Variants in GABRG3 observed in about 807,000 individuals in gnomAD.
GABRG3 encodes the protein gamma-aminobutyric acid receptor subunit gamma-3.
In GABRG3, 25 loss-of-function variants were observed where a neutral mutation model predicts 48.8. That is an observed-to-expected ratio of 0.51 (90% CI 0.37 to 0.72). The LOEUF (loss-of-function observed/expected upper bound fraction) is 0.72, where lower values mean the gene tolerates loss of function less well. Ranked by LOEUF, GABRG3 falls within the 30% of genes least tolerant of loss-of-function variation. GABRG3 has a pLI of 0.00. For synonymous variants in GABRG3, 227 were observed against 217.6 expected, an observed-to-expected ratio of 1.04 and a Z score of -0.38; for missense variants, 394 against 577.9, an observed-to-expected ratio of 0.68 and a Z score of 3.26.
intron 5 of GABRG3, among the ~76,000 whole-genome samples, chr15:27,439,271 T>C (rs1288898491): frequency 6.6e-6 from 1 of 152,158 alleles, no homozygotes; most frequent in Non-Finnish European, 1.5e-5. Flanking sequence ...AGAGGAAAAC[T>C]GCATTTTCTG....
chr15:27,153,078 G>T (rs1055729234), intron 3 of GABRG3, among the ~76,000 whole-genome samples: 2 of 152,030 alleles, frequency 1.3e-5, no homozygotes, highest in African/African-American at 2.4e-5. Flanking sequence ...GACCAGGATG[G>T]TCTCGATCTC....
chr15:27,046,280 T>TGG (rs1896364187), intron 3 of GABRG3, among the ~76,000 whole-genome samples: 1 of 151,490 alleles, frequency 6.6e-6, no homozygotes. Context: ...TTTTTTTGTA[T>TGG]TTTTAGTAGA....
rs368164545 is a variant in GABRG3 at position 27,308,251 on chromosome 15, C to CAT, written c.271-18556_271-18555dup. On this transcript the variant is annotated intron_variant, in intron 3 of 9. Coordinates refer to ENST00000615808, the MANE Select transcript of GABRG3 (RefSeq NM_033223.5). ...GTTTATATATCCAAACATATATAAACATACGTTTATATATAAACATAATAT... is the reference window on the plus strand; with the variant it reads ...GTTTATATATCCAAACATATATAAACATATACGTTTATATATAAACATAATAT... 1.8e-3 allele frequency among the ~76,000 whole-genome samples: 208 copies of CAT among 115,018 alleles called. 18 individuals are homozygous for CAT. Among genetic ancestry groups the CAT allele is most frequent in the African/African-American group, 4.4e-3 (135 of 30,820 alleles). The allele number at this position is 115,018 out of a possible 152,430, so 75.5% of individuals were successfully genotyped here.
intron 2 of GABRG3, among the ~76,000 whole-genome samples, chr15:26,981,544 G>C (rs1254658698): frequency 6.6e-6 from 1 of 152,278 alleles, no homozygotes; most frequent in East Asian, 1.9e-4. Context: ...CCTATTTTCT[G>C]TCTAGTTTTC....
intron 3 of GABRG3, among the ~76,000 whole-genome samples, chr15:27,194,269 T>C (rs1354890477): frequency 6.6e-6 from 1 of 152,250 alleles, no homozygotes; most frequent in Non-Finnish European, 1.5e-5. Flanking sequence ...GATGGTGTTA[T>C]GATTCAACCA....
intron 6 of GABRG3, among the ~76,000 whole-genome samples, chr15:27,508,867 C>T (rs1042820322): frequency 5.9e-5 from 9 of 152,076 alleles, no homozygotes; most frequent in African/African-American, 1.9e-4. Flanking sequence ...GCACCCACCA[C>T]CACACCCAGC....
At chr15:27,344,395 G>C (rs1595691687) in intron 5 of GABRG3, among the ~76,000 whole-genome samples, 1 of 152,158 alleles carries the variant, frequency 6.6e-6, no homozygotes, top group South Asian at 2.1e-4. Flanking sequence ...AATATTTTTT[G>C]GTTATTTAGT....
intron 5 of GABRG3, among the ~76,000 whole-genome samples, chr15:27,403,922 A>C (rs965561959): frequency 6.3e-5 from 8 of 127,892 alleles, no homozygotes; most frequent in African/African-American, 1.5e-4. Context: ...AACAAAAAAA[A>C]AAAAAACAAA....
rs145558694 is a variant in GABRG3, at chr15:27,117,054, T to C, written c.270+90233T>C. Among the ~76,000 whole-genome samples the C allele has an allele frequency of 6.6e-4, 100 of 152,328 alleles. 2 individuals carry two copies. In the Middle Eastern group the frequency reaches 0.024, roughly 36 times the overall value. On this transcript the variant is annotated intron_variant, in intron 3 of 9. Coordinates refer to ENST00000615808, the MANE Select transcript of GABRG3 (RefSeq NM_033223.5). Reference sequence around the variant, plus strand: ...CACAACAGCCATCTGAGGTAGGTTCTATTACTGTCCTGAATTTTGGTTAAG... The same window carrying C: ...CACAACAGCCATCTGAGGTAGGTTCCATTACTGTCCTGAATTTTGGTTAAG...
intron 3 of GABRG3, among the ~76,000 whole-genome samples, chr15:27,308,417 T>G (rs1183350920): frequency 6.9e-6 from 1 of 145,882 alleles, no homozygotes; most frequent in Admixed American, 7.1e-5. Flanking sequence ...TATATAAACA[T>G]GTAATGTAAA....
chr15:27,505,897 G>A (rs1890748480), intron 6 of GABRG3, among the ~76,000 whole-genome samples: 1 of 152,098 alleles, frequency 6.6e-6, no homozygotes, highest in Non-Finnish European at 1.5e-5. Context: ...GATTTGAATG[G>A]TATTTTTAGA....
Position 27,210,989 on chromosome 15 carries a change from AAG to A in GABRG3, c.271-115817_271-115816del, listed in dbSNP as rs571747521. Among the ~76,000 whole-genome samples the A allele has an allele frequency of 6.6e-5, 10 of 152,356 alleles. No individual in the cohort carries two copies. The South Asian group carries it at 8.3e-4, about 13-fold the overall frequency. On this transcript the variant is annotated intron_variant, in intron 3 of 9. Coordinates refer to ENST00000615808, the MANE Select transcript of GABRG3 (RefSeq NM_033223.5). The stretch of plus-strand genomic sequence containing the variant: ...ACTATTTTCCAGAAAGTAGAAATAA[AAG>A]AGGGGGTAGAGAAATATCAGAATTA...
chr15:27,272,104 C>G (rs554542275), intron 3 of GABRG3, among the ~76,000 whole-genome samples: 4 of 152,262 alleles, frequency 2.6e-5, no homozygotes, highest in African/African-American at 9.6e-5. Context: ...GTCAGATGCC[C>G]TGGGCAGGGT....
At chr15:27,093,119 G>A (rs550159532) in intron 3 of GABRG3, among the ~76,000 whole-genome samples, 24 of 152,202 alleles carry the variant, frequency 1.6e-4, no homozygotes, top group African/African-American at 5.5e-4. Context: ...GAGTGCCTGA[G>A]CATTGTATCC....
intron 3 of GABRG3, among the ~76,000 whole-genome samples, chr15:27,182,186 C>A (rs1887951987): frequency 6.6e-6 from 1 of 152,100 alleles, no homozygotes; most frequent in African/African-American, 2.4e-5. Context: ...GTGGAAGTCA[C>A]CGTCTACAGT....
At chr15:27,256,879 C>T (rs531186370) in intron 3 of GABRG3, among the ~76,000 whole-genome samples, 5 of 152,278 alleles carry the variant, frequency 3.3e-5, no homozygotes, top group Admixed American at 1.3e-4. Flanking sequence ...CTGCAAAGCA[C>T]GGGACTGCAG....
intron 3 of GABRG3, among the ~76,000 whole-genome samples, chr15:27,263,876 A>AGCG (rs1890836435): frequency 6.6e-6 from 1 of 151,602 alleles, no homozygotes. Context: ...TAGTGAGCCG[A>AGCG]GATCGCGCCA....
intron 5 of GABRG3, among the ~76,000 whole-genome samples, chr15:27,374,995 C>A (rs979660411): frequency 6.6e-6 from 1 of 152,044 alleles, no homozygotes; most frequent in African/African-American, 2.4e-5. Flanking sequence ...TGGTCATATA[C>A]CCCTCTTCTT....
chr15:27,156,782 G>T (rs4887562), intron 3 of GABRG3, among the ~76,000 whole-genome samples: 33,158 of 152,132 alleles, frequency 0.22, 4,539 homozygotes, highest in African/African-American at 0.38. Flanking sequence ...AGCAGTCAGA[G>T]TTTTGTTCAG....
Sources: allele counts gnomAD v4.1 joint callset (sites outside exome capture counted in the v4.1 genomes callset), GRCh38; gene constraint gnomAD v4.1.1; transcripts MANE v1.5; gene names NCBI Gene and HGNC (gene_info 2026-07-23, HGNC 2026-07-21).